KIF26B: variants seen among roughly 807,000 people sequenced by gnomAD.
The protein encoded by KIF26B is kinesin-like protein KIF26B.
KIF26B carries 63 observed loss-of-function variants against 151.2 expected under a neutral mutation model. That is an observed-to-expected ratio of 0.42 (90% confidence interval 0.34 to 0.51). The LOEUF is 0.51. Ranked by LOEUF, KIF26B falls within the 20% of genes least tolerant of loss-of-function variation. The probability of loss-of-function intolerance (pLI) is 0.07; values close to 1 mark genes in which losing one functional copy is unlikely to be tolerated. For synonymous variants in KIF26B, 1,357 were observed against 1,262.1 expected (o/e 1.08, Z -1.59); for missense variants, 2,813 against 2,913.6 (o/e 0.97, Z 0.79).
In KIF26B at chr1:245,512,768, G is replaced by A. The variant is rs1157295917; in HGVS notation, c.1167-27999G>A. Among the ~76,000 whole-genome samples the A allele has an allele frequency of 1.3e-5, 2 of 152,146 alleles. No homozygotes were observed. Among genetic ancestry groups the A allele is most frequent in the African/African-American group, 4.8e-5 (2 of 41,420 alleles). ...GTTGTATCACAAGGGGAAAGCTTTC[G>A]ATCTTGTGCCGTTTTGTTTTGGTTT... On this transcript the variant is annotated intron_variant, in intron 4 of 14. Coordinates refer to ENST00000407071, the MANE Select transcript of KIF26B (RefSeq NM_018012.4). The surrounding 1 kb of genome is among the most constrained non-coding windows in gnomAD (Gnocchi z 4.3).
At chr1:245,685,243 G>C (rs959853792) in intron 11 of KIF26B, among the ~76,000 whole-genome samples, 162 bp from the exon 12 acceptor site, 12 of 152,240 alleles carry the variant, frequency 7.9e-5, no homozygotes, top group African/African-American at 2.7e-4. Context: ...GACACCGGGC[G>C]CGCGGGCATG....
At chr1:245,472,174 G>C (rs1310619227) in intron 4 of KIF26B, among the ~76,000 whole-genome samples, 1 of 152,210 alleles carries the variant, frequency 6.6e-6, no homozygotes, top group Non-Finnish European at 1.5e-5. Context: ...ATGGGAACCA[G>C]CCAGGCAAAG....
At chr1:245,410,741 T>C (rs978073118) in intron 3 of KIF26B, among the ~76,000 whole-genome samples, 1 of 152,202 alleles carries the variant, frequency 6.6e-6, no homozygotes, top group African/African-American at 2.4e-5. Context: ...TGGCCTTCTT[T>C]CTTTTTTTAT....
chr1:245,436,646 G>C (rs190854729), intron 4 of KIF26B, among the ~76,000 whole-genome samples: 32 of 152,224 alleles, frequency 2.1e-4, no homozygotes, highest in African/African-American at 6.7e-4. Context: ...TTTTCTCAGA[G>C]TCTACTGACT....
intron 4 of KIF26B, among the ~76,000 whole-genome samples, chr1:245,506,207 G>A (rs1317238666): frequency 6.6e-6 from 1 of 152,138 alleles, no homozygotes; most frequent in Non-Finnish European, 1.5e-5. Flanking sequence ...AATTTCTTAT[G>A]TCCCCTCAGT....
rs535433795 is a variant in KIF26B, at chr1:245,425,772, G to A, written c.1166+6027G>A. Among the ~76,000 whole-genome samples the A allele has an allele frequency of 1.4e-3, 208 of 152,288 alleles. 1 individual carries two copies. The highest frequency in any genetic ancestry group is 2.1e-3 in the Admixed American group (32 of 15,300). On this transcript the variant is annotated intron_variant, in intron 4 of 14. Coordinates refer to ENST00000407071, the MANE Select transcript of KIF26B (RefSeq NM_018012.4). ...TCATCTACATTCAGAGCAAGAGTTT[G>A]AAAAATGGTGAAAATGGACAAAGAT...
At chr1:245,191,124 G>A (rs1040474697) in intron 2 of KIF26B, among the ~76,000 whole-genome samples, 1 of 138,182 alleles carries the variant, frequency 7.2e-6, no homozygotes, top group Non-Finnish European at 1.6e-5. Context: ...ATGAATATTT[G>A]TTCATTTGTA....
chr1:245,267,484 C>T (rs755325362), intron 2 of KIF26B, among the ~76,000 whole-genome samples: 1 of 152,158 alleles, frequency 6.6e-6, no homozygotes, highest in Non-Finnish European at 1.5e-5. Context: ...TAATTTTACT[C>T]TTTTCTGAAA....
intron 5 of KIF26B, among the ~76,000 whole-genome samples, chr1:245,547,124 AT>A (rs1368000202): frequency 1.3e-5 from 2 of 152,254 alleles, no homozygotes; most frequent in Non-Finnish European, 2.9e-5. Flanking sequence ...CAGAAGGGCC[AT>A]GCTATTTCTG....
At chr1:245,309,419 C>T (rs2102981578) in intron 2 of KIF26B, among the ~76,000 whole-genome samples, 1 of 152,144 alleles carries the variant, frequency 6.6e-6, no homozygotes, top group African/African-American at 2.4e-5. Context: ...CGATCTGGGA[C>T]ATGCTGCTTT....
Position 245,170,317 on chromosome 1 carries a change from C to G in KIF26B, c.465+13634C>G, listed in dbSNP as rs1217446368. 1.3e-5 allele frequency among the ~76,000 whole-genome samples: 2 copies of G among 152,184 alleles called. No homozygotes were observed. The highest frequency in any genetic ancestry group is 1.3e-4 in the Admixed American group (2 of 15,280). The stretch of plus-strand genomic sequence containing the variant: ...GGGTCGGCTGGTTTGAGGGTCCTTG[C>G]ATTTCTTGTCAGTCAATACGTCCTT... On this transcript the variant is annotated intron_variant, in intron 2 of 14. Transcript: ENST00000407071. The surrounding 1 kb of genome is among the most constrained non-coding windows in gnomAD (Gnocchi z 4.4).
At chr1:245,537,340 T>C (rs1254382276) in intron 4 of KIF26B, among the ~76,000 whole-genome samples, 1 of 151,972 alleles carries the variant, frequency 6.6e-6, no homozygotes, top group Admixed American at 6.6e-5. Flanking sequence ...GTCTGAGGGA[T>C]ATGGGGGGAA....
chr1:245,424,939 C>T (rs552731719), intron 4 of KIF26B, among the ~76,000 whole-genome samples: 10 of 116,046 alleles, frequency 8.6e-5, no homozygotes, highest in African/African-American at 2.4e-4. Context: ...CTTTTTTTTT[C>T]GAGAAAAGAC....
intron 5 of KIF26B, among the ~76,000 whole-genome samples, chr1:245,590,414 C>T (rs1054337611): frequency 2.0e-5 from 3 of 152,246 alleles, no homozygotes; most frequent in African/African-American, 4.8e-5. Context: ...GGAGCGTCCA[C>T]TGCTGCTTTC....
intron 5 of KIF26B, among the ~76,000 whole-genome samples, chr1:245,587,267 C>G (rs2043238062): frequency 6.6e-6 from 1 of 152,156 alleles, no homozygotes; most frequent in Non-Finnish European, 1.5e-5. Context: ...TCACTGAACC[C>G]CAGTACACAA....
chr1:245,525,097 C>T (rs536066547), intron 4 of KIF26B, among the ~76,000 whole-genome samples: 54 of 152,174 alleles, frequency 3.5e-4, no homozygotes, highest in Non-Finnish European at 6.5e-4. Context: ...CTACTCTGCA[C>T]CTCCCTGGGT....
chr1:245,535,355 C>T (rs1219413983), intron 4 of KIF26B, among the ~76,000 whole-genome samples: 2 of 152,060 alleles, frequency 1.3e-5, no homozygotes, highest in Non-Finnish European at 2.9e-5. Context: ...CTGAAAATTT[C>T]CTGATATATT....
Position 245,329,738 on chromosome 1 carries a change from C to T in KIF26B, c.466-37096C>T, listed in dbSNP as rs189621947. ...TAGATGATATCATAGTAGACGCTAACGAAATCGTTGTTAAATAAACAATAG... is the reference window on the plus strand; with the variant it reads ...TAGATGATATCATAGTAGACGCTAATGAAATCGTTGTTAAATAAACAATAG... On this transcript the variant is annotated intron_variant, in intron 2 of 14. Coordinates refer to ENST00000407071, the MANE Select transcript of KIF26B (RefSeq NM_018012.4). 5.3e-4 allele frequency among the ~76,000 whole-genome samples: 80 copies of T among 152,226 alleles called. 1 individual carries two copies. The highest frequency in any genetic ancestry group is 1.7e-3 in the African/African-American group (69 of 41,524).
At chr1:245,506,949 G>C (rs546236455) in intron 4 of KIF26B, among the ~76,000 whole-genome samples, 1 of 152,196 alleles carries the variant, frequency 6.6e-6, no homozygotes, top group Non-Finnish European at 1.5e-5. Flanking sequence ...CAAGGTGCTG[G>C]GATTACAGGC....
Sources: gnomAD v4.1 joint callset for allele counts (sites outside exome capture counted in the v4.1 genomes callset) on GRCh38, gnomAD v4.1.1 for gene constraint, Gnocchi (gnomAD v3.1) non-coding constraint, MANE v1.5 for transcripts, NCBI Gene and HGNC (gene_info 2026-07-23, HGNC 2026-07-21) for gene names.